The following PREX2 variants were observed in gnomAD, a reference collection of about 807,000 sequenced individuals.
PREX2 encodes the protein phosphatidylinositol 3,4,5-trisphosphate-dependent Rac exchanger 2 protein.
A neutral mutation model predicts 203.2 loss-of-function variants in PREX2; 107 were observed. The ratio of observed to expected loss-of-function variants is 0.53; its 90% CI spans 0.45 to 0.62. The LOEUF is 0.62. Among genes scored for constraint, PREX2 ranks in the 20% least tolerant of loss-of-function variants. The pLI is 0.00. For missense variants in PREX2, 1,777 were observed against 1,955.9 expected, an observed-to-expected ratio of 0.91 and a Z score of 1.72; for synonymous variants, 672 against 663.6, an observed-to-expected ratio of 1.01 and a Z score of -0.19.
intron 10 of PREX2, among the ~76,000 whole-genome samples, chr8:68,058,215 A>G (rs1439351070): frequency 2.0e-5 from 3 of 152,096 alleles, no homozygotes; most frequent in Non-Finnish European, 2.9e-5. Flanking sequence ...AATATTTCCA[A>G]TTTATAGCAA....
chr8:68,168,771 C>T (rs185662250), intron 35 of PREX2, among the ~76,000 whole-genome samples: 151 of 152,290 alleles, frequency 9.9e-4, no homozygotes, highest in African/African-American at 3.4e-3. Flanking sequence ...TATAGGGGCT[C>T]TTACTGCCTG....
chr8:68,191,576 C>T, intron 35 of PREX2, 146 bp from the exon 36 acceptor site: 1 of 578,288 alleles, frequency 1.7e-6, no homozygotes, highest in Admixed American at 3.4e-5. Flanking sequence ...AACCTTTTGA[C>T]ATTTGTGCAA....
In PREX2 at chr8:68,157,339, G is replaced by A. The variant is rs1335517478; in HGVS notation, c.4249G>A (p.Gly1417Arg). 2 of 1,604,802 alleles carry A rather than the reference G, an allele frequency of 1.2e-6. No homozygotes were observed. Among genetic ancestry groups the A allele is most frequent in the Middle Eastern group, 3.3e-4 (2 of 6,044 alleles). Residue 1417 changes from glycine to arginine, a missense_variant, in exon 35 of 40, where the codon GGA becomes AGA. Physicochemically the swap from Gly to Arg is moderately radical, Grantham distance 125. Transcript: ENST00000288368. The stretch of plus-strand genomic sequence containing the variant: ...TTACACAGCACTAGAGAGCATGGAA[G>A]GATATTATTACAGAGACAATGTTTC... The part of the protein sequence containing the change: ...LFAQALESME[G>R]YYYRDNVSVE...
intron 39 of PREX2, among the ~76,000 whole-genome samples, chr8:68,231,039 G>A (rs1394136236): frequency 6.6e-6 from 1 of 152,150 alleles, no homozygotes; most frequent in Non-Finnish European, 1.5e-5. Context: ...TTTACCACAA[G>A]TGTGGTGAAC....
intron 35 of PREX2, among the ~76,000 whole-genome samples, chr8:68,185,181 T>G (rs1268524849): frequency 6.6e-6 from 1 of 152,210 alleles, no homozygotes; most frequent in Non-Finnish European, 1.5e-5. Flanking sequence ...TTCCTCTCGT[T>G]CATCCTTTTG....
chr8:67,992,322 C>A (rs1806634264), intron 1 of PREX2, among the ~76,000 whole-genome samples: 1 of 152,170 alleles, frequency 6.6e-6, no homozygotes, highest in African/African-American at 2.4e-5. Context: ...CCCTAATCAA[C>A]TTAACATTCT....
Position 68,112,481 on chromosome 8 carries a change from T to C in PREX2, c.3146+2858T>C, listed in dbSNP as rs556339243. 2.0e-5 allele frequency among the ~76,000 whole-genome samples: 3 copies of C among 151,626 alleles called. No homozygotes were observed. The South Asian group carries it at 6.3e-4, about 32-fold the overall frequency. On this transcript the variant is annotated intron_variant, in intron 25 of 39. Transcript: ENST00000288368. The stretch of plus-strand genomic sequence containing the variant: ...TTTAAGACAGTTAGTAACCCGGGGG[T>C]TACAGATAGGAATGGTGGTGGTGGT...
chr8:67,958,739 T>G (rs1805555162), intron 1 of PREX2, among the ~76,000 whole-genome samples: 1 of 152,156 alleles, frequency 6.6e-6, no homozygotes, highest in African/African-American at 2.4e-5. Flanking sequence ...CTTTAATATT[T>G]TGTATACTCT....
At chr8:68,031,459 G>A (rs187921465) in intron 6 of PREX2, among the ~76,000 whole-genome samples, 29 of 152,250 alleles carry the variant, frequency 1.9e-4, no homozygotes, top group Admixed American at 8.5e-4. Flanking sequence ...ATAAAACCAA[G>A]TGGATTGCTT....
Position 68,090,690 on chromosome 8 carries a change from G to T in PREX2, c.2225G>T (p.Cys742Phe), listed in dbSNP as rs1254092170. 1 of 1,613,706 alleles carries T rather than the reference G, an allele frequency of 6.2e-7. No homozygotes were observed. Among genetic ancestry groups the T allele is most frequent in the Non-Finnish European group, 8.5e-7 (1 of 1,179,744 alleles). ...HASVIAHVTA[C>F]RKYRRPTKQD... ...AGTGTCATTGCACACGTTACAGCCTGCAGGAAGTACAGGCGGCCAACGAAG... is the reference window on the plus strand; with the variant it reads ...AGTGTCATTGCACACGTTACAGCCTTCAGGAAGTACAGGCGGCCAACGAAG... Residue 742 changes from cysteine to phenylalanine, a missense_variant, in exon 20 of 40, where the codon TGC becomes TTC. Transcript: ENST00000288368.
chr8:68,120,080 T>C (rs1810738568), intron 28 of PREX2, 116 bp from the exon 29 acceptor site: 1 of 623,802 alleles, frequency 1.6e-6, no homozygotes. Flanking sequence ...ACAAGCATCA[T>C]GGGGTTTCAA....
At chr8:68,101,335 C>A (rs1263695300) in intron 23 of PREX2, 2 of 518,146 alleles carry the variant, frequency 3.9e-6, no homozygotes, top group East Asian at 1.1e-4. Flanking sequence ...TTCCTTTAAA[C>A]AATTCCTGTA....
At chr8:68,090,454 TTA>T in intron 19 of PREX2, 123 bp from the exon 20 acceptor site, 1 of 808,562 alleles carries the variant, frequency 1.2e-6, no homozygotes, top group South Asian at 2.5e-5. Flanking sequence ...AGAACCAAGT[TTA>T]TCAAGATTAT....
At chr8:68,205,855 T>C (rs1812614080) in intron 37 of PREX2, among the ~76,000 whole-genome samples, 1 of 152,236 alleles carries the variant, frequency 6.6e-6, no homozygotes. Flanking sequence ...TTATTTTTAC[T>C]ACTTGATCAC....
chr8:68,222,508 T>C (rs893133836), intron 38 of PREX2, among the ~76,000 whole-genome samples: 2 of 151,892 alleles, frequency 1.3e-5, no homozygotes, highest in Non-Finnish European at 2.9e-5. Flanking sequence ...TCCACACTGA[T>C]TTAAATATAT....
intron 18 of PREX2, 148 bp downstream of exon 18, chr8:68,083,536 T>G: frequency 2.0e-6 from 1 of 497,058 alleles, no homozygotes; most frequent in Non-Finnish European, 3.5e-6. Flanking sequence ...GGTTTACAGA[T>G]GATGGGAGAA....
intron 38 of PREX2, among the ~76,000 whole-genome samples, chr8:68,223,827 T>C (rs1184065856): frequency 6.6e-6 from 1 of 152,178 alleles, no homozygotes; most frequent in African/African-American, 2.4e-5. Flanking sequence ...CAAAAATTGC[T>C]TTAGAATTAG....
chr8:68,111,410 G>A (rs920960564), intron 25 of PREX2, among the ~76,000 whole-genome samples: 1 of 151,774 alleles, frequency 6.6e-6, no homozygotes, highest in African/African-American at 2.4e-5. Context: ...TTTTTTTAAG[G>A]TTCAGGTAAT....
intron 1 of PREX2, among the ~76,000 whole-genome samples, chr8:67,981,269 T>C (rs1806262039): frequency 6.6e-6 from 1 of 152,166 alleles, no homozygotes; most frequent in Admixed American, 6.5e-5. Flanking sequence ...ATAGCACTGC[T>C]CCACACTCTG....
Sources: allele counts gnomAD v4.1 joint callset (sites outside exome capture counted in the v4.1 genomes callset), GRCh38; gene constraint gnomAD v4.1.1; transcripts MANE v1.5; gene names NCBI Gene and HGNC (gene_info 2026-07-23, HGNC 2026-07-21).